The following IQCH variants were observed in gnomAD, a reference collection of about 807,000 sequenced individuals.
IQCH encodes IQ motif containing H.
In IQCH, 98 loss-of-function variants were observed where a neutral mutation model predicts 117.0. The ratio of observed to expected loss-of-function variants is 0.84; its 90% CI spans 0.71 to 0.99. IQCH has a LOEUF of 0.99. IQCH is among the 50% of genes least tolerant of loss of function. The pLI, the probability that IQCH is intolerant of heterozygous loss-of-function variation, is 0.00. For missense variants in IQCH, 1,102 were observed against 1,243.8 expected (o/e 0.89, Z 1.72); for synonymous variants, 412 against 448.2 (o/e 0.92, Z 1.02).
rs779550075 is a variant in IQCH, at chr15:67,500,790, A to G, written c.*44A>G. On this transcript the variant is annotated 3_prime_UTR_variant, in exon 21 of 21. Coordinates refer to ENST00000335894, the MANE Select transcript of IQCH (RefSeq NM_001031715.3). This position sits in a 1 kb window ranked among gnomAD's most constrained non-coding sequence, Gnocchi z 4.4. ...AACAATTTGGATCCCAGTCTGGAAT[A>G]AAAAGGGCAATTTTTTTTTCTGTTA... 1.9e-6 allele frequency: 2 copies of G among 1,040,756 alleles called. No homozygotes were observed. The highest frequency in any genetic ancestry group is 5.1e-5 in the Admixed American group (2 of 39,012). The allele number at this position is 1,040,756 out of a possible 1,614,324, so 64.5% of individuals were successfully genotyped here.
intron 3 of IQCH, among the ~76,000 whole-genome samples, chr15:67,273,821 A>G (rs926933986): frequency 1.3e-5 from 2 of 152,180 alleles, no homozygotes; most frequent in Non-Finnish European, 2.9e-5. Context: ...TTCAGACTGA[A>G]TAACTCCCAT....
Position 67,384,916 on chromosome 15 carries a change from AC to A in IQCH, c.1373-19del. 1 of 1,510,768 alleles carries A rather than the reference AC, an allele frequency of 6.6e-7. No homozygotes were observed. Among genetic ancestry groups the A allele is most frequent in the Non-Finnish European group, 9.2e-7 (1 of 1,086,658 alleles). 93.6% of individuals were successfully genotyped at this position (1,510,768 alleles called of 1,614,324 possible). A position where few individuals can be genotyped will look rare whatever the true frequency, so the allele number is the denominator to read the frequency against. Reference sequence around the variant, plus strand: ...ATCGACTTGCTCTTTCTGTGTTTTGACACCTTGTTTGCCTTTTAGGGTATTC... The same window carrying A: ...ATCGACTTGCTCTTTCTGTGTTTTGAACCTTGTTTGCCTTTTAGGGTATTC... On this transcript the variant is annotated intron_variant, in intron 10 of 20. Transcript: ENST00000335894. This position sits in a 1 kb window ranked among gnomAD's most constrained non-coding sequence, Gnocchi z 4.3.
At chr15:67,409,575 C>G (rs1317354732) in intron 14 of IQCH, among the ~76,000 whole-genome samples, 1 of 152,160 alleles carries the variant, frequency 6.6e-6, no homozygotes, top group African/African-American at 2.4e-5. Context: ...TAATGAGGGA[C>G]AGACTCCTCG....
intron 8 of IQCH, among the ~76,000 whole-genome samples, chr15:67,363,876 T>C (rs1970238415): frequency 6.6e-6 from 1 of 152,244 alleles, no homozygotes; most frequent in African/African-American, 2.4e-5. Context: ...TTGCTTCAAA[T>C]AACATGACCT....
At chr15:67,270,876 G>A (rs1965868126) in intron 3 of IQCH, among the ~76,000 whole-genome samples, 1 of 152,174 alleles carries the variant, frequency 6.6e-6, no homozygotes, top group African/African-American at 2.4e-5. Flanking sequence ...ATGCCTTTTA[G>A]CATCTATTGG....
chr15:67,344,040 A>C (rs1397205482), intron 5 of IQCH, 23 bp from the exon 6 acceptor site: 1 of 1,605,716 alleles, frequency 6.2e-7, no homozygotes, highest in Non-Finnish European at 8.5e-7. Flanking sequence ...TTAAACTCAC[A>C]TTTTATTAAT....
intron 14 of IQCH, among the ~76,000 whole-genome samples, chr15:67,414,023 G>T (rs1051510233): frequency 2.0e-5 from 3 of 152,214 alleles, no homozygotes; most frequent in Admixed American, 6.5e-5. Context: ...TTGCATCTGA[G>T]GTGACACTTC....
intron 16 of IQCH, among the ~76,000 whole-genome samples, chr15:67,446,907 C>G (rs895534927): frequency 2.0e-5 from 3 of 152,172 alleles, no homozygotes; most frequent in Non-Finnish European, 4.4e-5. Flanking sequence ...ACAAGCCTTC[C>G]CTGGCTTCAC....
intron 4 of IQCH, among the ~76,000 whole-genome samples, chr15:67,286,386 A>T (rs540588422): frequency 2.0e-5 from 3 of 152,242 alleles, no homozygotes; most frequent in Admixed American, 6.5e-5. Context: ...AACAAGGATA[A>T]TTTGACTTCT....
chr15:67,500,735 C>T lies in IQCH; in HGVS notation c.3073C>T (p.Pro1025Ser). The change falls in exon 21 of 21, where the codon CCC becomes TCC. Residue 1025 changes from proline (P) to serine (S), a missense_variant. Pro to Ser is a moderately conservative substitution (Grantham distance 74). Around this residue, in one of 2 missense-constraint regions of IQCH, gnomAD observed 650 missense variants for 794.3 expected, o/e 0.82. Coordinates refer to ENST00000335894, the MANE Select transcript of IQCH (RefSeq NM_001031715.3). This position sits in a 1 kb window ranked among gnomAD's most constrained non-coding sequence, Gnocchi z 4.4. Reference protein sequence around the residue: ...QSKDDKNLSKPKK With the variant: ...QSKDDKNLSKSKK Reference sequence around the variant, plus strand: ...CAAAGATGATAAAAACCTCTCTAAACCCAAGAAATGATCCTGGAATACAGT... The same window carrying T: ...CAAAGATGATAAAAACCTCTCTAAATCCAAGAAATGATCCTGGAATACAGT... 1.3e-6 allele frequency: 2 copies of T among 1,560,118 alleles called. No individual in the cohort carries two copies. The highest frequency in any genetic ancestry group is 1.8e-6 in the Non-Finnish European group (2 of 1,138,738).
intron 14 of IQCH, among the ~76,000 whole-genome samples, chr15:67,410,550 C>T (rs1028351475): frequency 7.2e-5 from 11 of 152,192 alleles, no homozygotes; most frequent in Non-Finnish European, 1.0e-4. Context: ...GGAAGTGCTT[C>T]CTAATATTTG....
chr15:67,320,201 A>G (rs942120715), intron 4 of IQCH, among the ~76,000 whole-genome samples: 5 of 152,246 alleles, frequency 3.3e-5, no homozygotes, highest in African/African-American at 1.2e-4. Flanking sequence ...TGCCAACCCA[A>G]CTGCTGGGAT....
At chr15:67,266,438 C>T (rs976959530) in intron 3 of IQCH, among the ~76,000 whole-genome samples, 3 of 152,016 alleles carry the variant, frequency 2.0e-5, no homozygotes, top group Non-Finnish European at 2.9e-5. Flanking sequence ...GGGCGGATCA[C>T]GAGGTCAGGA....
In IQCH at chr15:67,432,312, A is replaced by G. The variant is rs1017591871; in HGVS notation, c.2505+10735A>G. Among the ~76,000 whole-genome samples, 2 of 152,208 alleles carry G rather than the reference A, an allele frequency of 1.3e-5. No individual in the cohort carries two copies. The highest frequency in any genetic ancestry group is 4.8e-5 in the African/African-American group (2 of 41,452). On this transcript the variant is annotated intron_variant, in intron 16 of 20. Coordinates refer to ENST00000335894, the MANE Select transcript of IQCH (RefSeq NM_001031715.3). The surrounding 1 kb of genome is among the most constrained non-coding windows in gnomAD (Gnocchi z 5.0). ...TGGAGGCCCTGATATATACCGCAGTATATCCCATAAAGTCTGAAAACGATT... is the reference window on the plus strand; with the variant it reads ...TGGAGGCCCTGATATATACCGCAGTGTATCCCATAAAGTCTGAAAACGATT...
rs1247360408 is a variant in IQCH, at chr15:67,445,918, T to G, written c.2506-19209T>G. 6.6e-6 allele frequency among the ~76,000 whole-genome samples: 1 copy of G among 152,204 alleles called. No individual in the cohort carries two copies. The highest frequency in any genetic ancestry group is 1.9e-4 in the East Asian group (1 of 5,202). ...TAAAGAAGAACATGGAGTTTCCCTA[T>G]CATTGGCAGTTACCACCAAGGAGGA... On this transcript the variant is annotated intron_variant, in intron 16 of 20. Coordinates refer to ENST00000335894, the MANE Select transcript of IQCH (RefSeq NM_001031715.3). This position sits in a 1 kb window ranked among gnomAD's most constrained non-coding sequence, Gnocchi z 4.3.
rs1970277751 is a variant in IQCH at position 67,364,926 on chromosome 15, T to G, written c.753+5041T>G. Among the ~76,000 whole-genome samples the G allele has an allele frequency of 1.3e-5, 2 of 152,204 alleles. No homozygotes were observed. Among genetic ancestry groups the G allele is most frequent in the Admixed American group, 1.3e-4 (2 of 15,284 alleles). On this transcript the variant is annotated intron_variant, in intron 8 of 20. Coordinates refer to ENST00000335894, the MANE Select transcript of IQCH (RefSeq NM_001031715.3). This position sits in a 1 kb window ranked among gnomAD's most constrained non-coding sequence, Gnocchi z 4.1. ...TTGACATTAAATTATAAATGTTACATTATTAATAAATAATTGTTTTTGTTC... is the reference window on the plus strand; with the variant it reads ...TTGACATTAAATTATAAATGTTACAGTATTAATAAATAATTGTTTTTGTTC...
intron 20 of IQCH, among the ~76,000 whole-genome samples, chr15:67,498,785 G>A (rs1468951889): frequency 6.6e-6 from 1 of 152,086 alleles, no homozygotes; most frequent in Non-Finnish European, 1.5e-5. Context: ...AGATAAATCA[G>A]ACCTCATCAA....
Position 67,475,629 on chromosome 15 carries a change from C to T in IQCH, c.2677-67C>T. On this transcript the variant is annotated intron_variant, in intron 17 of 20. Coordinates refer to ENST00000335894, the MANE Select transcript of IQCH (RefSeq NM_001031715.3). The surrounding 1 kb of genome is among the most constrained non-coding windows in gnomAD (Gnocchi z 5.7). ...TTATCTTCGCAATTTTCCTGTTAAT[C>T]TCAAGTATTCCAAAATTACAAGTTT... 6.9e-7 allele frequency: 1 copy of T among 1,452,948 alleles called. No individual in the cohort carries two copies. The highest frequency in any genetic ancestry group is 2.2e-4 in the Middle Eastern group (1 of 4,516). The allele number at this position is 1,452,948 out of a possible 1,614,324, so 90.0% of individuals were successfully genotyped here.
chr15:67,383,228 A>T (rs1277172159), intron 10 of IQCH, among the ~76,000 whole-genome samples: 2 of 152,110 alleles, frequency 1.3e-5, no homozygotes, highest in Non-Finnish European at 1.5e-5. Context: ...ACTGCATGTG[A>T]TTTTCTACAA....
Sources: allele counts gnomAD v4.1 joint callset (sites outside exome capture counted in the v4.1 genomes callset), GRCh38; gene constraint gnomAD v4.1.1; regional missense constraint gnomAD v4.1.1; non-coding constraint Gnocchi (gnomAD v3.1); transcripts MANE v1.5; gene names NCBI Gene and HGNC (gene_info 2026-07-23, HGNC 2026-07-21).